The following ASAP1 variants were observed in gnomAD, a reference collection of about 807,000 sequenced individuals.
ASAP1 encodes the protein arf-GAP with SH3 domain, ANK repeat and PH domain-containing protein 1.
A neutral mutation model predicts 145.2 loss-of-function variants in ASAP1; 43 were observed. The ratio of observed to expected loss-of-function variants is 0.30; its 90% CI spans 0.23 to 0.38. The LOEUF (loss-of-function observed/expected upper bound fraction) is 0.38. Ranked by LOEUF, ASAP1 falls within the 10% of genes least tolerant of loss-of-function variation. The pLI, the probability that ASAP1 is intolerant of heterozygous loss-of-function variation, is 1.00. For synonymous variants in ASAP1, 546 were observed against 515.5 expected, an observed-to-expected ratio of 1.06 and a Z score of -0.80; for missense variants, 1,018 against 1,355.3, an observed-to-expected ratio of 0.75 and a Z score of 3.91.
At position 130,414,154 on chromosome 8, in the gene ASAP1, G is replaced by A. The variant is rs571093322; in HGVS notation, c.-27-12184C>T. Among the ~76,000 whole-genome samples the A allele has an allele frequency of 5.8e-4, 88 of 152,276 alleles. 1 individual carries two copies. The South Asian group carries it at 0.017, about 30-fold the overall frequency. On this transcript the variant is annotated intron_variant, in intron 1 of 29. Coordinates refer to ENST00000518721, the MANE Select transcript of ASAP1 (RefSeq NM_018482.4). The stretch of plus-strand genomic sequence containing the variant: ...ACACCAGACAGAAAGGTAGGAAGAG[G>A]GAATTCTGAATGGACAGAACAGTAG...
At chr8:130,218,287 A>T (rs1324920257) in intron 4 of ASAP1, among the ~76,000 whole-genome samples, 4 of 152,208 alleles carry the variant, frequency 2.6e-5, no homozygotes. Flanking sequence ...CAAGGGAAGC[A>T]CCTCAGTAGT....
At chr8:130,079,266 T>C (rs1344702152) in intron 26 of ASAP1, among the ~76,000 whole-genome samples, 1 of 152,182 alleles carries the variant, frequency 6.6e-6, no homozygotes, top group African/African-American at 2.4e-5. Flanking sequence ...TCCCTGAAGT[T>C]TGGGTCTGGA....
At chr8:130,397,556 C>T (rs1217864693) in intron 2 of ASAP1, among the ~76,000 whole-genome samples, 1 of 152,228 alleles carries the variant, frequency 6.6e-6, no homozygotes, top group Non-Finnish European at 1.5e-5. Context: ...TTGCCTACCC[C>T]ATGGAACATC....
chr8:130,188,741 A>AG (rs1348018581), intron 5 of ASAP1, among the ~76,000 whole-genome samples: 212 of 145,028 alleles, frequency 1.5e-3, no homozygotes, highest in South Asian at 2.8e-3. Flanking sequence ...AAAAAAAAAA[A>AG]AAAAGAAAAG....
chr8:130,061,735 A>G (rs892021678), intron 27 of ASAP1, among the ~76,000 whole-genome samples: 3 of 152,248 alleles, frequency 2.0e-5, no homozygotes, highest in African/African-American at 7.2e-5. Flanking sequence ...CAAGGGATAC[A>G]TAGTCTGAAA....
chr8:130,192,379 A>C (rs1245439841), intron 5 of ASAP1, among the ~76,000 whole-genome samples: 7 of 152,032 alleles, frequency 4.6e-5, no homozygotes, highest in African/African-American at 1.7e-4. Flanking sequence ...GAAAAGGAGG[A>C]AGGCTTTGGA....
chr8:130,296,640 T>C (rs1376192830), intron 3 of ASAP1, among the ~76,000 whole-genome samples: 1 of 152,016 alleles, frequency 6.6e-6, no homozygotes, highest in Non-Finnish European at 1.5e-5. Flanking sequence ...CCTCAGATCC[T>C]GCATCAAGGA....
chr8:130,422,942 A>G (rs984722546), intron 1 of ASAP1, among the ~76,000 whole-genome samples: 5 of 152,332 alleles, frequency 3.3e-5, no homozygotes, highest in African/African-American at 1.2e-4. Flanking sequence ...CCAACACTTT[A>G]AAGAATAGGA....
chr8:130,284,877 A>T lies in ASAP1; in HGVS notation c.187-47883T>A, dbSNP rs1472458207. Among the ~76,000 whole-genome samples, 4 of 147,426 alleles carry T rather than the reference A, an allele frequency of 2.7e-5. No homozygotes were observed. The East Asian group carries it at 8.4e-4, about 31-fold the overall frequency. ...CACACACACACACACACACACACAC[A>T]CACCATACTGAGAGAGAGAGAGAAA... On this transcript the variant is annotated intron_variant, in intron 3 of 29. Coordinates refer to ENST00000518721, the MANE Select transcript of ASAP1 (RefSeq NM_018482.4).
intron 3 of ASAP1, among the ~76,000 whole-genome samples, chr8:130,341,796 G>A (rs1825398461): frequency 6.6e-6 from 1 of 152,116 alleles, no homozygotes; most frequent in South Asian, 2.1e-4. Context: ...ACCAAAAAGA[G>A]AAACAGGAAA....
Position 130,053,426 on chromosome 8 carries a change from T to C in ASAP1, c.*1305A>G, listed in dbSNP as rs1248718549. ...AATGTTCTTAAGGATCTGATAAACA[T>C]GGCTGGGATGAAAAGAAAACTGAGA... On this transcript the variant is annotated 3_prime_UTR_variant, in exon 30 of 30. Coordinates refer to ENST00000518721, the MANE Select transcript of ASAP1 (RefSeq NM_018482.4). 3 of 152,280 alleles carry C rather than the reference T, an allele frequency of 2.0e-5. No individual in the cohort carries two copies. The highest frequency in any genetic ancestry group is 3.9e-4 in the East Asian group (2 of 5,176). The allele number at this position is 152,280 out of a possible 1,614,324, so 9.4% of individuals were successfully genotyped here. A position where few individuals can be genotyped will look rare whatever the true frequency, so the allele number is the denominator to read the frequency against.
At chr8:130,078,233 A>T (rs1231259978) in intron 26 of ASAP1, among the ~76,000 whole-genome samples, 4 of 151,998 alleles carry the variant, frequency 2.6e-5, no homozygotes, top group Non-Finnish European at 5.9e-5. Context: ...CAAGTGATCC[A>T]CCTGCCTTGG....
At chr8:130,243,462 G>C (rs1447419574) in intron 3 of ASAP1, among the ~76,000 whole-genome samples, 1 of 152,122 alleles carries the variant, frequency 6.6e-6, no homozygotes, top group East Asian at 1.9e-4. Flanking sequence ...TCTCTTTGGA[G>C]GAAGAAAGGA....
chr8:130,116,048 C>T (rs746914266), intron 22 of ASAP1, among the ~76,000 whole-genome samples: 45 of 152,296 alleles, frequency 3.0e-4, no homozygotes, highest in African/African-American at 9.9e-4. Flanking sequence ...AAGTTTAAGA[C>T]GTAGGCTTTT....
chr8:130,253,676 T>A (rs1819341177), intron 3 of ASAP1, among the ~76,000 whole-genome samples: 1 of 152,196 alleles, frequency 6.6e-6, no homozygotes, highest in South Asian at 2.1e-4. Flanking sequence ...AAAATAGGTA[T>A]GTATGTACAT....
intron 27 of ASAP1, among the ~76,000 whole-genome samples, chr8:130,062,591 T>C (rs1439997557): frequency 6.6e-6 from 1 of 152,190 alleles, no homozygotes; most frequent in Non-Finnish European, 1.5e-5. Context: ...TAGAAAGGCC[T>C]TGGCTGTGAG....
chr8:130,127,065 A>G (rs1271684719), intron 16 of ASAP1, among the ~76,000 whole-genome samples: 1 of 152,234 alleles, frequency 6.6e-6, no homozygotes, highest in Non-Finnish European at 1.5e-5. Context: ...ACTCAGTGTT[A>G]GCTGTTGCCA....
chr8:130,387,842 C>G (rs13260346), intron 2 of ASAP1, among the ~76,000 whole-genome samples: 36,492 of 152,090 alleles, frequency 0.24, 4,775 homozygotes, highest in African/African-American at 0.33. Context: ...TACTGAACAT[C>G]TATGTACCAG....
chr8:130,200,059 G>A (rs1378360631), intron 5 of ASAP1, among the ~76,000 whole-genome samples: 1 of 152,078 alleles, frequency 6.6e-6, no homozygotes, highest in East Asian at 1.9e-4. Context: ...GACCTACCAG[G>A]GCCTTGGGCT....
Sources: allele counts gnomAD v4.1 joint callset (sites outside exome capture counted in the v4.1 genomes callset), GRCh38; gene constraint gnomAD v4.1.1; transcripts MANE v1.5; gene names NCBI Gene and HGNC (gene_info 2026-07-23, HGNC 2026-07-21).